Variants in KCTD1 observed in about 807,000 individuals in gnomAD.
KCTD1 encodes the protein BTB/POZ domain-containing protein KCTD1.
In KCTD1, 24 loss-of-function variants were observed where a neutral mutation model predicts 66.0. That is an observed-to-expected ratio of 0.36 (90% CI 0.26 to 0.51). KCTD1 has a LOEUF of 0.51. KCTD1 is among the 20% of genes least tolerant of loss of function. KCTD1 has a pLI of 0.95. For synonymous variants in KCTD1, 511 were observed against 517.2 expected (o/e 0.99, Z 0.16); for missense variants, 943 against 1,205.2 (o/e 0.78, Z 3.22).
chr18:26,531,223 T>A (rs1329322783), intron 1 of KCTD1, among the ~76,000 whole-genome samples: 1 of 152,224 alleles, frequency 6.6e-6, no homozygotes, highest in Non-Finnish European at 1.5e-5. Flanking sequence ...GTGAGCATGG[T>A]GGCTCACACC....
intron 1 of KCTD1, among the ~76,000 whole-genome samples, chr18:26,620,894 G>GCGATCT (rs1475109871): frequency 7.4e-5 from 11 of 148,336 alleles, no homozygotes; most frequent in African/African-American, 2.8e-4. Context: ...GTGCCGTGGC[G>GCGATCT]CGATCTCGGC....
chr18:26,635,064 A>T (rs553563871), intron 1 of KCTD1, among the ~76,000 whole-genome samples: 289 of 152,336 alleles, frequency 1.9e-3, no homozygotes, highest in African/African-American at 6.1e-3. Context: ...GCTGCCTTGG[A>T]ACCTTGTCTT....
At chr18:26,610,549 G>C (rs571703153) in intron 1 of KCTD1, among the ~76,000 whole-genome samples, 1 of 151,644 alleles carries the variant, frequency 6.6e-6, no homozygotes, top group South Asian at 2.1e-4. Flanking sequence ...ATGCACTCTA[G>C]CCTGGGAAAC....
chr18:26,470,698 G>A (rs956425138), intron 3 of KCTD1, among the ~76,000 whole-genome samples: 1 of 152,224 alleles, frequency 6.6e-6, no homozygotes, highest in African/African-American at 2.4e-5. Context: ...TCACAGCTGC[G>A]CAGATGGTGC....
intron 1 of KCTD1, among the ~76,000 whole-genome samples, chr18:26,546,217 C>CT (rs2144832353): frequency 7.9e-6 from 1 of 126,378 alleles, no homozygotes; most frequent in Admixed American, 8.7e-5. Flanking sequence ...CTCTCCACCC[C>CT]TTTTCTTTAA....
At chr18:26,542,145 C>A (rs909639175) in intron 1 of KCTD1, among the ~76,000 whole-genome samples, 1 of 152,178 alleles carries the variant, frequency 6.6e-6, no homozygotes, top group Non-Finnish European at 1.5e-5. Flanking sequence ...AGTGGATGAA[C>A]TGAATTCAGC....
At chr18:26,527,720 G>A (rs889597042) in intron 1 of KCTD1, among the ~76,000 whole-genome samples, 17 of 152,138 alleles carry the variant, frequency 1.1e-4, no homozygotes, top group Non-Finnish European at 1.5e-5. Context: ...GTTTCTAGAT[G>A]TCAATCTTGT....
At chr18:26,532,272 T>C (rs866728935) in intron 1 of KCTD1, among the ~76,000 whole-genome samples, 6,627 of 138,998 alleles carry the variant, frequency 0.048, 329 homozygotes, top group Non-Finnish European at 0.056. Context: ...TTTTTTTTTT[T>C]TTTTTTTTTT....
chr18:26,589,139 C>A (rs185329222), intron 1 of KCTD1, among the ~76,000 whole-genome samples: 3 of 152,232 alleles, frequency 2.0e-5, no homozygotes, highest in Non-Finnish European at 4.4e-5. Flanking sequence ...TCTGTCTAGA[C>A]CTGTGGCTGT....
chr18:26,599,359 C>T (rs952324428), intron 1 of KCTD1: 1 of 1,576,146 alleles, frequency 6.3e-7, no homozygotes, highest in Non-Finnish European at 8.6e-7. Context: ...AGTCTTGATT[C>T]TCTTTTGGCT....
At chr18:26,518,530 C>G (rs1983770336) in intron 1 of KCTD1, among the ~76,000 whole-genome samples, 2 of 152,020 alleles carry the variant, frequency 1.3e-5, no homozygotes, top group Non-Finnish European at 2.9e-5. Flanking sequence ...TCCCAAAGTG[C>G]TGGGATTACA....
At chr18:26,569,708 C>T (rs1480379177) in intron 1 of KCTD1, among the ~76,000 whole-genome samples, 1 of 152,092 alleles carries the variant, frequency 6.6e-6, no homozygotes, top group African/African-American at 2.4e-5. Context: ...CAGCTCACCT[C>T]GGGTTATGAA....
At chr18:26,635,109 T>A (rs1987696622) in intron 1 of KCTD1, among the ~76,000 whole-genome samples, 1 of 152,256 alleles carries the variant, frequency 6.6e-6, no homozygotes, top group African/African-American at 2.4e-5. Flanking sequence ...TTATGGCTTT[T>A]TTTGCATTAA....
intron 1 of KCTD1, among the ~76,000 whole-genome samples, chr18:26,532,087 G>T (rs866324128): frequency 6.6e-6 from 1 of 152,088 alleles, no homozygotes. Context: ...CAGATTTTGA[G>T]TGGTATGCTG....
intron 1 of KCTD1, among the ~76,000 whole-genome samples, chr18:26,569,650 T>A (rs1354917455): frequency 6.6e-6 from 1 of 152,096 alleles, no homozygotes; most frequent in Non-Finnish European, 1.5e-5. Context: ...CATTAATTGT[T>A]GAGGGGGAAG....
At chr18:26,505,614 T>C (rs1223163399) in intron 1 of KCTD1, among the ~76,000 whole-genome samples, 1 of 152,090 alleles carries the variant, frequency 6.6e-6, no homozygotes, top group Admixed American at 6.5e-5. Context: ...TGCAGTGCAG[T>C]GGCGCAATCA....
chr18:26,546,806 AGGC>A lies in KCTD1; in HGVS notation c.1728_1730del (p.Pro577del). 6.5e-7 allele frequency: 1 copy of A among 1,546,102 alleles called. No individual in the cohort carries two copies. Among genetic ancestry groups the A allele is most frequent in the Non-Finnish European group, 8.7e-7 (1 of 1,144,966 alleles). ...TGTGCCCATTGGCTTCTGGAAGAAGAGGCAGGGGGTCGTGTTTCACGGAAACCA... is the reference window on the plus strand; with the variant it reads ...TGTGCCCATTGGCTTCTGGAAGAAGAAGGGGGTCGTGTTTCACGGAAACCA... On this transcript the variant is annotated inframe_deletion, in exon 1 of 5. Transcript: ENST00000580059.
At chr18:26,612,646 AT>A (rs946971906) in intron 1 of KCTD1, among the ~76,000 whole-genome samples, 1 of 152,202 alleles carries the variant, frequency 6.6e-6, no homozygotes, top group African/African-American at 2.4e-5. Context: ...TGCTGCTGAT[AT>A]TTTGATTTCA....
intron 1 of KCTD1, among the ~76,000 whole-genome samples, chr18:26,529,722 C>T (rs562727678): frequency 5.9e-5 from 9 of 152,318 alleles, no homozygotes; most frequent in South Asian, 2.1e-4. Flanking sequence ...TTGTGCCTAA[C>T]AGAATACAAA....
Sources: allele counts gnomAD v4.1 joint callset (sites outside exome capture counted in the v4.1 genomes callset), GRCh38; gene constraint gnomAD v4.1.1; transcripts MANE v1.5; gene names NCBI Gene and HGNC (gene_info 2026-07-23, HGNC 2026-07-21).